SOX5: variants seen among roughly 807,000 people sequenced by gnomAD.
SOX5 encodes SRY-box transcription factor 5.
In SOX5, 9 loss-of-function variants were observed where a neutral mutation model predicts 92.0. The observed-to-expected ratio is 0.10, with a 90% confidence interval of 0.06 to 0.17. The LOEUF (loss-of-function observed/expected upper bound fraction) is 0.17. Ranked by LOEUF, SOX5 falls within the 10% of genes least tolerant of loss-of-function variation. The pLI is 1.00. For missense variants in SOX5, 642 were observed against 944.5 expected, an observed-to-expected ratio of 0.68 and a Z score of 4.20; for synonymous variants, 344 against 336.3, an observed-to-expected ratio of 1.02 and a Z score of -0.25.
At position 23,623,110 on chromosome 12, in the gene SOX5, T is replaced by G. The variant is rs527640252; in HGVS notation, c.1017+17702A>C. On this transcript the variant is annotated intron_variant, in intron 8 of 14. Coordinates refer to ENST00000451604, the MANE Select transcript of SOX5 (RefSeq NM_006940.6). ...TGTGTGCAGGAGACTGGCACACACA[T>G]GCATATGCCATTCATCCATTCTTTT... Among the ~76,000 whole-genome samples the G allele has an allele frequency of 5.3e-5, 8 of 152,258 alleles. No homozygotes were observed. In the South Asian group the frequency reaches 1.7e-3, roughly 32 times the overall value.
Position 24,486,630 on chromosome 12 carries a change from A to G in SOX5, c.-251+75699T>C, listed in dbSNP as rs548743614. ...TTATCCCCTATAATCCTTTAAAGCT[A>G]TGACTTAAAGCTAGTTAAAAATAAG... is the stretch of plus-strand genomic sequence containing the variant. On this transcript the variant is annotated intron_variant, in intron 1 of 4. Coordinates refer to the SOX5 transcript ENST00000446891. Among the ~76,000 whole-genome samples the G allele has an allele frequency of 6.6e-5, 10 of 152,290 alleles. No homozygotes were observed. In the South Asian group the frequency reaches 2.1e-3, roughly 32 times the overall value.
At chr12:24,070,022 G>A (rs1941510840) in intron 4 of SOX5, among the ~76,000 whole-genome samples, 2 of 152,022 alleles carry the variant, frequency 1.3e-5, no homozygotes, top group South Asian at 4.2e-4. Context: ...TCAACAACCG[G>A]GGAGAGCGCT....
intron 1 of SOX5, among the ~76,000 whole-genome samples, chr12:24,386,365 T>G (rs1014406760): frequency 1.3e-5 from 2 of 152,130 alleles, no homozygotes; most frequent in Admixed American, 6.5e-5. Flanking sequence ...GGCTTTATAT[T>G]TTACTTTTAT....
At chr12:24,422,119 C>T (rs1347939652) in intron 1 of SOX5, among the ~76,000 whole-genome samples, 4 of 152,112 alleles carry the variant, frequency 2.6e-5, no homozygotes, top group East Asian at 1.9e-4. Context: ...ATGGGGGCAT[C>T]GATGACTAGG....
At chr12:23,857,865 T>C (rs978510882) in intron 2 of SOX5, among the ~76,000 whole-genome samples, 1 of 151,598 alleles carries the variant, frequency 6.6e-6, no homozygotes, top group East Asian at 1.9e-4. Flanking sequence ...CCTGAGTAGG[T>C]GGGATTACAG....
intron 6 of SOX5, among the ~76,000 whole-genome samples, chr12:23,722,298 A>T (rs980920098): frequency 1.3e-4 from 20 of 152,192 alleles, no homozygotes; most frequent in African/African-American, 4.3e-4. Context: ...TTTCAGTTAG[A>T]GATGATGGAA....
At chr12:23,982,414 G>C (rs894772645) in intron 4 of SOX5, among the ~76,000 whole-genome samples, 1 of 152,132 alleles carries the variant, frequency 6.6e-6, no homozygotes, top group Non-Finnish European at 1.5e-5. Flanking sequence ...TTTTGTGTAA[G>C]TATATGCTTA....
intron 1 of SOX5, among the ~76,000 whole-genome samples, chr12:23,915,442 A>T (rs1223821226): frequency 6.6e-6 from 1 of 152,172 alleles, no homozygotes; most frequent in African/African-American, 2.4e-5. Flanking sequence ...TTTAAAAAAT[A>T]AGACTTAGAA....
intron 1 of SOX5, among the ~76,000 whole-genome samples, chr12:24,482,213 C>A (rs1055496186): frequency 6.6e-6 from 1 of 152,100 alleles, no homozygotes; most frequent in Non-Finnish European, 1.5e-5. Flanking sequence ...GAGAAAGATT[C>A]CCATATGGGA....
chr12:23,803,810 GT>G (rs759839675), intron 3 of SOX5, among the ~76,000 whole-genome samples: 3 of 151,952 alleles, frequency 2.0e-5, no homozygotes, highest in African/African-American at 4.8e-5. Context: ...CCCAGAATGG[GT>G]TTTTTTTAGC....
chr12:23,611,722 A>G (rs1271450608), intron 8 of SOX5, among the ~76,000 whole-genome samples: 1 of 152,046 alleles, frequency 6.6e-6, no homozygotes, highest in Non-Finnish European at 1.5e-5. Flanking sequence ...GTTTGATCCA[A>G]CTATTTTCCT....
rs559972028 is a variant in SOX5, at chr12:24,324,004, A to T, written c.-174+44559T>A. On this transcript the variant is annotated intron_variant, in intron 2 of 4. Transcript: ENST00000446891. ...TTATGTATAAACAATGTCTGCCACA[A>T]ATTACAAGGGCAGCTTAGTGAAAGC... Among the ~76,000 whole-genome samples, 19 of 152,312 alleles carry T rather than the reference A, an allele frequency of 1.2e-4. No homozygotes were observed. In the South Asian group the frequency reaches 3.7e-3, roughly 30 times the overall value.
chr12:23,742,901 G>A (rs1271186587), intron 4 of SOX5, among the ~76,000 whole-genome samples: 1 of 151,982 alleles, frequency 6.6e-6, no homozygotes, highest in African/African-American at 2.4e-5. Context: ...GGCTGAGGTG[G>A]AAGGATCACT....
intron 4 of SOX5, among the ~76,000 whole-genome samples, chr12:24,140,250 G>A (rs796321202): frequency 3.9e-5 from 6 of 152,232 alleles, no homozygotes; most frequent in African/African-American, 1.4e-4. Context: ...GGGTAAGGGA[G>A]GGGTGGTGGT....
rs142305453 is a variant in SOX5, at chr12:23,821,336, G to C, written c.481+24647C>G. On this transcript the variant is annotated intron_variant, in intron 3 of 14. Coordinates refer to ENST00000451604, the MANE Select transcript of SOX5 (RefSeq NM_006940.6). ...AAGGAGTTTTGGGGCTGAGATGATG[G>C]GGTTTTCTAAATATACAATCATGCA... Among the ~76,000 whole-genome samples the C allele has an allele frequency of 1.5e-3, 230 of 152,268 alleles. 1 individual carries two copies. The highest frequency in any genetic ancestry group is 5.4e-3 in the African/African-American group (224 of 41,568).
intron 1 of SOX5, among the ~76,000 whole-genome samples, chr12:24,463,758 G>GCCACAATTT (rs1028287377): frequency 3.0e-4 from 46 of 152,084 alleles, no homozygotes; most frequent in African/African-American, 1.1e-3. Flanking sequence ...TCATTCACTC[G>GCCACAATTT]CCACAATTTT....
chr12:23,617,143 A>AAAT (rs2076661531), intron 8 of SOX5, among the ~76,000 whole-genome samples: 1 of 151,498 alleles, frequency 6.6e-6, no homozygotes, highest in Admixed American at 6.6e-5. Context: ...AAAAAAAAAA[A>AAAT]AAAAAGATAG....
At chr12:24,404,864 A>G (rs1962555623) in intron 1 of SOX5, among the ~76,000 whole-genome samples, 2 of 152,164 alleles carry the variant, frequency 1.3e-5, no homozygotes, top group African/African-American at 4.8e-5. Flanking sequence ...TTGTGGATGT[A>G]ATTAGTTAAG....
chr12:24,478,296 A>G (rs1318743921), intron 1 of SOX5, among the ~76,000 whole-genome samples: 2 of 152,222 alleles, frequency 1.3e-5, no homozygotes, highest in Non-Finnish European at 2.9e-5. Context: ...TTATCCATTA[A>G]GATCACCAAA....
Sources: gnomAD v4.1 joint callset for allele counts (sites outside exome capture counted in the v4.1 genomes callset) on GRCh38, gnomAD v4.1.1 for gene constraint, MANE v1.5 for transcripts, NCBI Gene and HGNC (gene_info 2026-07-23, HGNC 2026-07-21) for gene names.